Variants in CAST observed in about 807,000 individuals in gnomAD.
CAST encodes calpastatin, also known as MIR583 host.
Under a neutral mutation model 119.6 loss-of-function variants are expected in CAST, and 76 were observed. The observed-to-expected ratio is 0.64, with a 90% CI of 0.53 to 0.77. The LOEUF (loss-of-function observed/expected upper bound fraction) is 0.77. CAST is among the 30% of genes least tolerant of loss of function. The pLI, the probability that CAST is intolerant of heterozygous loss-of-function variation, is 0.00. For synonymous variants in CAST, 319 were observed against 331.6 expected (o/e 0.96, Z 0.41); for missense variants, 953 against 946.5 (o/e 1.01, Z -0.09).
chr5:96,391,518 T>C, the CAST span: 2 of 152,240 alleles, frequency 1.3e-5, no homozygotes, highest in Non-Finnish European at 2.9e-5. Flanking sequence ...AGCAAACTCA[T>C]AATTATTATT....
intron 1 of CAST, among the ~76,000 whole-genome samples, chr5:96,535,094 T>C (rs1400866198): frequency 1.3e-5 from 2 of 152,122 alleles, no homozygotes; most frequent in Non-Finnish European, 2.9e-5. Context: ...ACAGAACAAA[T>C]GGCATATAGT....
the CAST span, among the ~76,000 whole-genome samples, chr5:96,185,505 C>T: frequency 1.3e-5 from 2 of 152,090 alleles, no homozygotes; most frequent in African/African-American, 2.4e-5. Flanking sequence ...GTCTTTAAGT[C>T]ATCTTGAGTT....
At chr5:96,175,075 T>C in the CAST span, among the ~76,000 whole-genome samples, 1 of 152,174 alleles carries the variant, frequency 6.6e-6, no homozygotes, top group Non-Finnish European at 1.5e-5. Flanking sequence ...GCAACTGAAG[T>C]TTTTAAATTT....
At chr5:96,670,204 G>A (rs866719562) in intron 1 of CAST, among the ~76,000 whole-genome samples, 8 of 151,756 alleles carry the variant, frequency 5.3e-5, no homozygotes, top group African/African-American at 1.2e-4. Context: ...TGAAATTGTC[G>A]CCACATTGAA....
the CAST span, among the ~76,000 whole-genome samples, chr5:96,312,941 G>A: frequency 1.3e-5 from 2 of 151,996 alleles, no homozygotes; most frequent in Admixed American, 6.6e-5. Context: ...CTTCAGAGAC[G>A]AGACATTTGT....
chr5:96,268,375 C>G, the CAST span, among the ~76,000 whole-genome samples: 1 of 152,066 alleles, frequency 6.6e-6, no homozygotes, highest in Non-Finnish European at 1.5e-5. Flanking sequence ...AAGTTCGGGC[C>G]CAGTCTGGGC....
At chr5:96,000,235 G>C in the CAST span, among the ~76,000 whole-genome samples, 3 of 151,846 alleles carry the variant, frequency 2.0e-5, no homozygotes, top group Admixed American at 2.0e-4. Context: ...ATCTTTTGTA[G>C]TTACAAAAGT....
chr5:96,468,377 G>A, the CAST span, among the ~76,000 whole-genome samples: 1 of 151,874 alleles, frequency 6.6e-6, no homozygotes, highest in Admixed American at 6.6e-5. Flanking sequence ...CCAAAGCTAC[G>A]GAAATTTTTT....
At chr5:96,702,731 G>C in intron 3 of CAST, 2 of 981,954 alleles carry the variant, frequency 2.0e-6, no homozygotes, top group East Asian at 2.3e-4. Context: ...CGGGCTCCCG[G>C]GGCGGGGCCG....
At chr5:96,017,175 T>G in the CAST span, among the ~76,000 whole-genome samples, 1 of 152,182 alleles carries the variant, frequency 6.6e-6, no homozygotes, top group Non-Finnish European at 1.5e-5. Flanking sequence ...CTTTCACGGC[T>G]GGACCTCTGA....
At chr5:96,390,606 T>C in the CAST span, 1 of 152,660 alleles carries the variant, frequency 6.6e-6, no homozygotes, top group African/African-American at 2.4e-5. Context: ...GGGTGAAACT[T>C]TCTTATTCTC....
chr5:96,608,381 A>T (rs1254227223), intron 1 of CAST, among the ~76,000 whole-genome samples: 1 of 152,228 alleles, frequency 6.6e-6, no homozygotes, highest in African/African-American at 2.4e-5. Context: ...ATCTATGGAA[A>T]TGAGGTTAAC....
chr5:96,242,708 T>C, the CAST span, among the ~76,000 whole-genome samples: 3 of 152,346 alleles, frequency 2.0e-5, no homozygotes, highest in South Asian at 6.2e-4. Context: ...TCTTTTGTCT[T>C]TTATAACCCT....
At chr5:96,587,451 A>G (rs1423174064) in intron 1 of CAST, among the ~76,000 whole-genome samples, 2 of 152,214 alleles carry the variant, frequency 1.3e-5, no homozygotes, top group Non-Finnish European at 2.9e-5. Flanking sequence ...GAGGACTGGT[A>G]TGGTGTTTTG....
the CAST span, among the ~76,000 whole-genome samples, chr5:96,328,377 CT>C: frequency 3.0e-4 from 1 of 3,314 alleles, no homozygotes; most frequent in East Asian, 2.7e-3. Context: ...CTTTCCTTCT[CT>C]CTCCCTCTCT....
the CAST span, among the ~76,000 whole-genome samples, chr5:96,358,494 T>G: frequency 6.6e-6 from 1 of 152,214 alleles, no homozygotes; most frequent in Non-Finnish European, 1.5e-5. Context: ...CCCTAAACAC[T>G]TCTTTAGCTG....
the CAST span, among the ~76,000 whole-genome samples, chr5:96,515,296 C>CCAATATTGGGAACAA: frequency 7.0e-6 from 1 of 143,004 alleles, no homozygotes; most frequent in Non-Finnish European, 1.6e-5. Flanking sequence ...ATATTGTTCC[C>CCAATATTGGGAACAA]ACAATGTTTG....
intron 1 of CAST, among the ~76,000 whole-genome samples, chr5:96,631,480 C>T (rs1747817784): frequency 7.1e-6 from 1 of 140,214 alleles, no homozygotes; most frequent in South Asian, 2.3e-4. Flanking sequence ...GTATGGATTT[C>T]ATTTTATTTA....
At chr5:96,767,222 C>T (rs26611) in intron 27 of CAST, among the ~76,000 whole-genome samples, 1,855 of 151,822 alleles carry the variant, frequency 0.012, 42 homozygotes, top group African/African-American at 0.043. Context: ...CAGACCCTTT[C>T]ATATGTTTCC....
Sources: gnomAD v4.1 joint callset for allele counts (sites outside exome capture counted in the v4.1 genomes callset) on GRCh38, gnomAD v4.1.1 for gene constraint, MANE v1.5 for transcripts, NCBI Gene and HGNC (gene_info 2026-07-23, HGNC 2026-07-21) for gene names.